CAB39: variants seen among roughly 807,000 people sequenced by gnomAD.
CAB39 encodes calcium binding protein 39.
CAB39 carries 8 observed loss-of-function variants against 40.0 expected under a neutral mutation model. That is an observed-to-expected ratio of 0.20 (90% CI 0.12 to 0.36). The LOEUF (loss-of-function observed/expected upper bound fraction) is 0.36, where lower values mean the gene tolerates loss of function less well. Among genes scored for constraint, CAB39 ranks in the 10% least tolerant of loss-of-function variants. CAB39 has a pLI of 1.00. For synonymous variants in CAB39, 156 were observed against 141.6 expected (o/e 1.10, Z -0.72); for missense variants, 270 against 401.1 (o/e 0.67, Z 2.79).
intron 1 of CAB39, among the ~76,000 whole-genome samples, chr2:230,735,077 T>G (rs1247773008): frequency 6.6e-6 from 1 of 152,220 alleles, no homozygotes; most frequent in Non-Finnish European, 1.5e-5. Flanking sequence ...TGATACCCCT[T>G]GAATTCTTGT....
intron 1 of CAB39, among the ~76,000 whole-genome samples, chr2:230,720,807 A>G (rs1056202719): frequency 2.1e-4 from 32 of 152,180 alleles, no homozygotes; most frequent in African/African-American, 7.7e-4. Context: ...CTTTGATGGC[A>G]TATCATCAGC....
chr2:230,788,541 T>G (rs993864989), intron 2 of CAB39, among the ~76,000 whole-genome samples: 3 of 152,224 alleles, frequency 2.0e-5, no homozygotes, highest in African/African-American at 7.2e-5. Flanking sequence ...TGAAGAATCA[T>G]TTTTCTTCAG....
intron 2 of CAB39, among the ~76,000 whole-genome samples, chr2:230,769,278 CAAG>C (rs965794148): frequency 4.6e-5 from 7 of 152,118 alleles, no homozygotes; most frequent in African/African-American, 1.4e-4. Flanking sequence ...GATAGAACTG[CAAG>C]AAGTAGTCAA....
chr2:230,723,953 C>T (rs1694503394), intron 1 of CAB39, among the ~76,000 whole-genome samples: 1 of 152,090 alleles, frequency 6.6e-6, no homozygotes, highest in South Asian at 2.1e-4. Context: ...ATGCAAATAG[C>T]ATAAAGAGGG....
At chr2:230,724,744 G>A (rs1463175683) in intron 1 of CAB39, among the ~76,000 whole-genome samples, 2 of 135,134 alleles carry the variant, frequency 1.5e-5, no homozygotes, top group East Asian at 2.1e-4. Flanking sequence ...AGTTTACCTC[G>A]TTTAATCTTT....
Position 230,790,316 on chromosome 2 carries a change from C to A in CAB39, c.115-556C>A, listed in dbSNP as rs533723718. Among the ~76,000 whole-genome samples, 644 of 152,192 alleles carry A rather than the reference C, an allele frequency of 4.2e-3. 5 individuals carry two copies. Among genetic ancestry groups the A allele is most frequent in the Middle Eastern group, 0.024 (7 of 294 alleles). ...TTTCATGGGGAAAGGTAAATCTGGCCCTTCTCTATCTTGAGCAGAAGTAGA... is the reference window on the plus strand; with the variant it reads ...TTTCATGGGGAAAGGTAAATCTGGCACTTCTCTATCTTGAGCAGAAGTAGA... On this transcript the variant is annotated intron_variant, in intron 2 of 8. Coordinates refer to ENST00000258418, the MANE Select transcript of CAB39 (RefSeq NM_016289.4).
chr2:230,786,185 A>G (rs1462664597), intron 2 of CAB39, among the ~76,000 whole-genome samples: 2 of 142,500 alleles, frequency 1.4e-5, no homozygotes, highest in African/African-American at 5.3e-5. Context: ...AAAAAAAAAA[A>G]AAAGAGATGG....
At chr2:230,754,339 C>G (rs1322223132) in intron 1 of CAB39, among the ~76,000 whole-genome samples, 1 of 88,926 alleles carries the variant, frequency 1.1e-5, no homozygotes, top group South Asian at 2.9e-4. Context: ...CTTCTTCCTT[C>G]CTCTTCTTCC....
chr2:230,742,462 C>T (rs1194447303), intron 1 of CAB39, among the ~76,000 whole-genome samples: 1 of 151,804 alleles, frequency 6.6e-6, no homozygotes, highest in African/African-American at 2.4e-5. Flanking sequence ...GGCGTGAGCC[C>T]CCACGCCTGG....
intron 1 of CAB39, among the ~76,000 whole-genome samples, chr2:230,733,999 T>C (rs553659813): frequency 9.2e-5 from 14 of 152,314 alleles, no homozygotes; most frequent in East Asian, 1.9e-4. Flanking sequence ...TCCCCAAAAG[T>C]AGATATGCAG....
In CAB39 at chr2:230,751,868, A is replaced by G. The variant is rs148540414; in HGVS notation, c.-43-8091A>G. Among the ~76,000 whole-genome samples the G allele has an allele frequency of 2.2e-3, 339 of 152,334 alleles. 1 individual carries two copies. Among genetic ancestry groups the G allele is most frequent in the African/African-American group, 7.6e-3 (317 of 41,576 alleles). ...AAACTACTAATAATGACTGTCTCTT[A>G]CAGGCTTTTCAGGTGACTTTCACTT... On this transcript the variant is annotated intron_variant, in intron 1 of 8. Transcript: ENST00000258418.
At chr2:230,743,017 C>A (rs536725327) in intron 1 of CAB39, among the ~76,000 whole-genome samples, 1 of 152,300 alleles carries the variant, frequency 6.6e-6, no homozygotes, top group South Asian at 2.1e-4. Flanking sequence ...CATAACTGCA[C>A]AGAACATCGT....
chr2:230,737,770 TC>T (rs924435031), intron 1 of CAB39, among the ~76,000 whole-genome samples: 2 of 152,216 alleles, frequency 1.3e-5, no homozygotes, highest in Non-Finnish European at 2.9e-5. Context: ...ATTTTTATGT[TC>T]CCTTGGATAT....
At chr2:230,766,630 G>T (rs1054538996) in intron 2 of CAB39, among the ~76,000 whole-genome samples, 1 of 152,186 alleles carries the variant, frequency 6.6e-6, no homozygotes, top group African/African-American at 2.4e-5. Flanking sequence ...CCACCTCCCG[G>T]GCTCAATCAG....
intron 1 of CAB39, among the ~76,000 whole-genome samples, chr2:230,720,884 A>G (rs895002880): frequency 6.6e-5 from 10 of 152,148 alleles, no homozygotes; most frequent in Admixed American, 5.9e-4. Context: ...AACATGACCC[A>G]TGTAGATACT....
chr2:230,817,067 A>C (rs115800756), intron 7 of CAB39, among the ~76,000 whole-genome samples: 3,081 of 152,344 alleles, frequency 0.02, 94 homozygotes, highest in African/African-American at 0.07. Context: ...TTATGAGTTT[A>C]TATGATATAA....
intron 1 of CAB39, among the ~76,000 whole-genome samples, chr2:230,756,029 G>A (rs1367491059): frequency 6.6e-6 from 1 of 152,172 alleles, no homozygotes; most frequent in Non-Finnish European, 1.5e-5. Flanking sequence ...CCTTTGGAAG[G>A]CAGCGTCCCC....
chr2:230,756,413 A>G (rs924038458), intron 1 of CAB39, among the ~76,000 whole-genome samples: 5 of 152,244 alleles, frequency 3.3e-5, no homozygotes, highest in Admixed American at 1.3e-4. Flanking sequence ...AATGCAGTCA[A>G]TCATTGACTG....
At chr2:230,721,042 T>A (rs1221358329) in intron 1 of CAB39, among the ~76,000 whole-genome samples, 1 of 152,218 alleles carries the variant, frequency 6.6e-6, no homozygotes, top group African/African-American at 2.4e-5. Flanking sequence ...CTTTTAAAAT[T>A]TATCTTCCCT....
Sources: gnomAD v4.1 joint callset for allele counts (sites outside exome capture counted in the v4.1 genomes callset) on GRCh38, gnomAD v4.1.1 for gene constraint, MANE v1.5 for transcripts, NCBI Gene and HGNC (gene_info 2026-07-23, HGNC 2026-07-21) for gene names.